The following ANKRD16 variants were observed in gnomAD, a reference collection of about 807,000 sequenced individuals.
ANKRD16 encodes the protein ankyrin repeat domain-containing protein 16.
ANKRD16 carries 35 observed loss-of-function variants against 37.9 expected under a neutral mutation model. The observed-to-expected ratio is 0.92, with a 90% confidence interval of 0.71 to 1.23. The LOEUF (loss-of-function observed/expected upper bound fraction) is 1.23, where lower values mean the gene tolerates loss of function less well. Among genes scored for constraint, ANKRD16 ranks in the 50% most tolerant of loss-of-function variants. The pLI, the probability that ANKRD16 is intolerant of heterozygous loss-of-function variation, is 0.00. For synonymous variants in ANKRD16, 206 were observed against 197.2 expected, an observed-to-expected ratio of 1.04 and a Z score of -0.37; for missense variants, 480 against 469.9, an observed-to-expected ratio of 1.02 and a Z score of -0.20.
chr10:5,861,681 T>A lies in ANKRD16; in HGVS notation c.*1044A>T, dbSNP rs1298527809. ...ATGCTTTTTCTATTCCTGGGTTCTT[T>A]GAGAATCATTGACATTTATTATTTA... On this transcript the variant is annotated 3_prime_UTR_variant, in exon 8 of 8. Coordinates refer to ENST00000380094, the MANE Select transcript of ANKRD16 (RefSeq NM_019046.3). 6.6e-6 allele frequency: 1 copy of A among 151,980 alleles called. No homozygotes were observed. Among genetic ancestry groups the A allele is most frequent in the Non-Finnish European group, 1.5e-5 (1 of 68,040 alleles). The allele number at this position is 151,980 out of a possible 1,614,324, so 9.4% of individuals were successfully genotyped here.
At position 5,862,517 on chromosome 10, in the gene ANKRD16, T is replaced by C; in HGVS notation, c.*208A>G. 4.9e-6 allele frequency: 5 copies of C among 1,027,188 alleles called. No individual in the cohort carries two copies. Among genetic ancestry groups the C allele is most frequent in the South Asian group, 1.3e-5 (1 of 74,654 alleles). 63.6% of individuals were successfully genotyped at this position (1,027,188 alleles called of 1,614,324 possible). A position where few individuals can be genotyped will look rare whatever the true frequency, so the allele number is the denominator to read the frequency against. On this transcript the variant is annotated 3_prime_UTR_variant, in exon 8 of 8. Coordinates refer to ENST00000380094, the MANE Select transcript of ANKRD16 (RefSeq NM_019046.3). This position sits in a 1 kb window ranked among gnomAD's most constrained non-coding sequence, Gnocchi z 6.5. ...CCAGGGAGCTGACCTTGGGGGCCAG[T>C]GCAGATGTGGCACTGACTTCACCAC...
At chr10:5,881,726 C>T (rs1335450370) in intron 5 of ANKRD16, among the ~76,000 whole-genome samples, 2 of 144,140 alleles carry the variant, frequency 1.4e-5, no homozygotes, top group South Asian at 2.2e-4. Context: ...CTCACTCTGT[C>T]GTCCAGGCTG....
rs150555361 is a variant in ANKRD16 at position 5,888,078 on chromosome 10, C to A, written c.315-11G>T. On this transcript the variant is annotated splice_polypyrimidine_tract_variant and intron_variant, in intron 1 of 7. Transcript: ENST00000380094. ...ATCATCAGAGGAGTCCTAAGGCCAA[C>A]CAGGAGAAGCTGTCAGATGGAGGCA... 9.4e-5 allele frequency: 151 copies of A among 1,611,884 alleles called. No homozygotes were observed. The highest frequency in any genetic ancestry group is 2.6e-5 in the Non-Finnish European group (31 of 1,178,322).
chr10:5,869,905 G>GC lies in ANKRD16; in HGVS notation c.*34-7215dup, dbSNP rs1166029085. Reference sequence around the variant, plus strand: ...GATGCTGAGGTCTGCAGTAAGGATCGCATCACTTAGCATGGTATCCAGTAG... The same window carrying GC: ...GATGCTGAGGTCTGCAGTAAGGATCGCCATCACTTAGCATGGTATCCAGTAG... On this transcript the variant is annotated intron_variant, in intron 7 of 7. Coordinates refer to ENST00000380094, the MANE Select transcript of ANKRD16 (RefSeq NM_019046.3). The surrounding 1 kb of genome is among the most constrained non-coding windows in gnomAD (Gnocchi z 4.0). Among the ~76,000 whole-genome samples, 1 of 152,016 alleles carries GC rather than the reference G, an allele frequency of 6.6e-6. No homozygotes were observed. Among genetic ancestry groups the GC allele is most frequent in the African/African-American group, 2.4e-5 (1 of 41,374 alleles).
At chr10:5,881,454 A>ATATATATATATG (rs1842312280) in intron 5 of ANKRD16, among the ~76,000 whole-genome samples, 1 of 117,366 alleles carries the variant, frequency 8.5e-6, no homozygotes, top group Non-Finnish European at 1.7e-5. Flanking sequence ...ATATATATAT[A>ATATATATATATG]TATATATATA....
At chr10:5,885,269 C>G (rs1177530891) in intron 3 of ANKRD16, among the ~76,000 whole-genome samples, 2 of 152,128 alleles carry the variant, frequency 1.3e-5, no homozygotes, top group Admixed American at 1.3e-4. Flanking sequence ...CAAGCTCCGC[C>G]TCTTGGGTTC....
chr10:5,881,143 A>G (rs1842296168), intron 5 of ANKRD16: 1 of 882,554 alleles, frequency 1.1e-6, no homozygotes, highest in Non-Finnish European at 1.4e-6. Context: ...TCTCAATTCT[A>G]ATATAAATCA....
intron 5 of ANKRD16, among the ~76,000 whole-genome samples, chr10:5,880,686 T>C (rs1346552744): frequency 6.6e-6 from 1 of 152,106 alleles, no homozygotes; most frequent in African/African-American, 2.4e-5. Flanking sequence ...ACTCAGTAAA[T>C]TGGCACTTTA....
rs1012602318 is a variant in ANKRD16 at position 5,862,302 on chromosome 10, C to G, written c.*423G>C. Reference sequence around the variant, plus strand: ...AATCTCATCAGAAGTGGTGCTACCACTGTGTTTCATGTTTTTGTGTTTCTT... The same window carrying G: ...AATCTCATCAGAAGTGGTGCTACCAGTGTGTTTCATGTTTTTGTGTTTCTT... On this transcript the variant is annotated 3_prime_UTR_variant, in exon 8 of 8. Coordinates refer to ENST00000380094, the MANE Select transcript of ANKRD16 (RefSeq NM_019046.3). The surrounding 1 kb of genome is among the most constrained non-coding windows in gnomAD (Gnocchi z 6.5). 1.3e-5 allele frequency: 5 copies of G among 396,680 alleles called. No individual in the cohort carries two copies. Among genetic ancestry groups the G allele is most frequent in the African/African-American group, 1.1e-4 (5 of 47,458 alleles). The allele number at this position is 396,680 out of a possible 1,614,324, so 24.6% of individuals were successfully genotyped here.
Position 5,878,210 on chromosome 10 carries a change from C to T in ANKRD16, c.1006G>A (p.Asp336Asn), listed in dbSNP as rs1159967272. 1.2e-6 allele frequency: 2 copies of T among 1,614,042 alleles called. No individual in the cohort carries two copies. Among genetic ancestry groups the T allele is most frequent in the South Asian group, 1.1e-5 (1 of 91,088 alleles). ...LLQSGLKDSEDITGTLAQQLP... is the reference protein window; with the variant it reads ...LLQSGLKDSENITGTLAQQLP... ...TGCTGAGCCAGGGTGCCCGTGATGT[C>T]TTCAGAATCCTTCAGTCCCGACTGC... Residue 336 changes from aspartate (D) to asparagine (N), a missense_variant, in exon 7 of 8, where the codon GAC becomes AAC. Coordinates refer to ENST00000380094, the MANE Select transcript of ANKRD16 (RefSeq NM_019046.3). The surrounding 1 kb of genome is among the most constrained non-coding windows in gnomAD (Gnocchi z 5.1).
At chr10:5,881,460 A>ATATATATATT (rs1842313217) in intron 5 of ANKRD16, among the ~76,000 whole-genome samples, 1 of 129,922 alleles carries the variant, frequency 7.7e-6, no homozygotes, top group Admixed American at 8.2e-5. Flanking sequence ...ATATATATAT[A>ATATATATATT]TATATATATA....
In ANKRD16 at chr10:5,887,857, C is replaced by A. The variant is rs1241473572; in HGVS notation, c.525G>T (p.Leu175=). 6.2e-6 allele frequency: 10 copies of A among 1,613,226 alleles called. No homozygotes were observed. In the Admixed American group the frequency reaches 6.7e-5, roughly 11 times the overall value. ...KTESKIRRTP[L]HTAAMHGHLE... ...AGCTGTAGGCTGTACCTGCAGTATG[C>A]AGAGGAGTCCTTCTAATTTTGCTCT... Residue 175 remains leucine, a synonymous_variant, in exon 2 of 8, where the codon CTG becomes CTT. Coordinates refer to ENST00000380094, the MANE Select transcript of ANKRD16 (RefSeq NM_019046.3).
chr10:5,878,376 C>A lies in ANKRD16; in HGVS notation c.929-89G>T. ...AGTTGATAGTGCCCAATAAAAATAT[C>A]AATTCTTTCAATATCTTCCGTAATC... On this transcript the variant is annotated intron_variant, in intron 6 of 7. Transcript: ENST00000380094. This position sits in a 1 kb window ranked among gnomAD's most constrained non-coding sequence, Gnocchi z 5.1. 1 of 1,144,998 alleles carries A rather than the reference C, an allele frequency of 8.7e-7. No homozygotes were observed. Among genetic ancestry groups the A allele is most frequent in the Non-Finnish European group, 1.2e-6 (1 of 820,396 alleles). The allele number at this position is 1,144,998 out of a possible 1,614,324, so 70.9% of individuals were successfully genotyped here.
intron 3 of ANKRD16, among the ~76,000 whole-genome samples, chr10:5,884,831 C>T (rs927842841): frequency 7.3e-5 from 11 of 150,672 alleles, no homozygotes; most frequent in East Asian, 2.0e-4. Flanking sequence ...ATATTCTAGG[C>T]GTCTTTTGTT....
rs866195535 is a variant in ANKRD16, at chr10:5,864,532, G to A, written c.*34-1841C>T. Among the ~76,000 whole-genome samples the A allele has an allele frequency of 9.2e-5, 14 of 152,128 alleles. No individual in the cohort carries two copies. Among genetic ancestry groups the A allele is most frequent in the African/African-American group, 3.1e-4 (13 of 41,394 alleles). ...CCAGGGCAAACCTTCAATCTCACCT[G>A]GAGAGATGTCATGCTATTGCTAGAT... On this transcript the variant is annotated intron_variant, in intron 7 of 7. Coordinates refer to ENST00000380094, the MANE Select transcript of ANKRD16 (RefSeq NM_019046.3). The surrounding 1 kb of genome is among the most constrained non-coding windows in gnomAD (Gnocchi z 4.4).
rs187560914 is a variant in ANKRD16, at chr10:5,876,144, A to G, written c.*33+1953T>C. On this transcript the variant is annotated intron_variant, in intron 7 of 7. Coordinates refer to ENST00000380094, the MANE Select transcript of ANKRD16 (RefSeq NM_019046.3). ...GGTGATCCACCCACCTCAGCCTCCC[A>G]AAGTGTTGGGATTACAGGCATGAGC... Among the ~76,000 whole-genome samples the G allele has an allele frequency of 4.0e-3, 609 of 152,278 alleles. 6 individuals carry two copies. Among genetic ancestry groups the G allele is most frequent in the African/African-American group, 0.014 (580 of 41,554 alleles).
intron 5 of ANKRD16, among the ~76,000 whole-genome samples, chr10:5,881,961 A>G (rs1467002277): frequency 1.3e-5 from 2 of 151,948 alleles, no homozygotes; most frequent in Admixed American, 6.5e-5. Context: ...TGCTGGGATT[A>G]CAGGCTTGAG....
At chr10:5,884,684 A>G (rs1388638715) in intron 3 of ANKRD16, among the ~76,000 whole-genome samples, 1 of 144,916 alleles carries the variant, frequency 6.9e-6, no homozygotes, top group Non-Finnish European at 1.5e-5. Context: ...GTGAGCTGAG[A>G]TTGCACCATT....
chr10:5,862,774 C>T lies in ANKRD16; in HGVS notation c.*34-83G>A, dbSNP rs1415231671. 12 of 951,008 alleles carry T rather than the reference C, an allele frequency of 1.3e-5. No individual in the cohort carries two copies. The highest frequency in any genetic ancestry group is 1.6e-5 in the Non-Finnish European group (11 of 680,934). 58.9% of individuals were successfully genotyped at this position (951,008 alleles called of 1,614,324 possible). ...GGCAAGCAGCTAGCACAAGGTCCCA[C>T]AGCTGGACTCAGGGCTGCTGGCTAC... On this transcript the variant is annotated intron_variant, in intron 7 of 7. Transcript: ENST00000380094. The surrounding 1 kb of genome is among the most constrained non-coding windows in gnomAD (Gnocchi z 6.5).
Sources: gnomAD v4.1 joint callset for allele counts (sites outside exome capture counted in the v4.1 genomes callset) on GRCh38, gnomAD v4.1.1 for gene constraint, Gnocchi (gnomAD v3.1) non-coding constraint, MANE v1.5 for transcripts, NCBI Gene and HGNC (gene_info 2026-07-23, HGNC 2026-07-21) for gene names.